Variants in AUTS2 observed in about 807,000 individuals in gnomAD.
The protein encoded by AUTS2 is autism susceptibility gene 2 protein.
Under a neutral mutation model 112.4 loss-of-function variants are expected in AUTS2, and 17 were observed. The observed-to-expected ratio is 0.15, with a 90% CI of 0.10 to 0.23. AUTS2 has a LOEUF of 0.23. Among genes scored for constraint, AUTS2 ranks in the 10% least tolerant of loss-of-function variants. AUTS2 has a pLI of 1.00. For synonymous variants in AUTS2, 751 were observed against 702.7 expected, an observed-to-expected ratio of 1.07 and a Z score of -1.09; for missense variants, 1,510 against 1,701.6, an observed-to-expected ratio of 0.89 and a Z score of 1.98.
intron 6 of AUTS2, among the ~76,000 whole-genome samples, chr7:70,755,125 T>C (rs985710972): frequency 6.6e-6 from 1 of 152,188 alleles, no homozygotes; most frequent in African/African-American, 2.4e-5. Context: ...GAAGGTTTAA[T>C]ATGCACCATG....
At chr7:69,957,960 A>C (rs1197322853) in intron 2 of AUTS2, among the ~76,000 whole-genome samples, 1 of 152,196 alleles carries the variant, frequency 6.6e-6, no homozygotes, top group Non-Finnish European at 1.5e-5. Flanking sequence ...TGTAGCCTAC[A>C]CAAGTAAGTA....
chr7:70,747,800 CTTTATTTTAT>C (rs61458073), intron 6 of AUTS2, among the ~76,000 whole-genome samples: 35 of 146,188 alleles, frequency 2.4e-4, no homozygotes, highest in African/African-American at 6.7e-4. Context: ...GAGCTCATTT[CTTTATTTTAT>C]TTTATTTTAT....
At chr7:70,084,374 C>A (rs555171254) in intron 2 of AUTS2, among the ~76,000 whole-genome samples, 1 of 152,156 alleles carries the variant, frequency 6.6e-6, no homozygotes, top group African/African-American at 2.4e-5. Context: ...TGTAAGAGTA[C>A]AATGTACATT....
chr7:70,417,029 A>G (rs1322969229), intron 4 of AUTS2, among the ~76,000 whole-genome samples: 1 of 152,166 alleles, frequency 6.6e-6, no homozygotes, highest in Non-Finnish European at 1.5e-5. Flanking sequence ...CAGGGCCCCC[A>G]GTCTATCTTC....
At chr7:70,288,737 A>G (rs1368886243) in intron 4 of AUTS2, among the ~76,000 whole-genome samples, 3 of 152,176 alleles carry the variant, frequency 2.0e-5, no homozygotes, top group African/African-American at 4.8e-5. Flanking sequence ...TGGAAGAACA[A>G]TGAGATAGAG....
At chr7:70,354,386 A>G (rs1791898333) in intron 4 of AUTS2, among the ~76,000 whole-genome samples, 1 of 152,212 alleles carries the variant, frequency 6.6e-6, no homozygotes, top group Non-Finnish European at 1.5e-5. Context: ...TTTACTTGAG[A>G]TTGGTTTATA....
chr7:70,285,038 A>G (rs1788392869), intron 4 of AUTS2, among the ~76,000 whole-genome samples: 1 of 152,132 alleles, frequency 6.6e-6, no homozygotes, highest in Non-Finnish European at 1.5e-5. Context: ...TTATGGATAC[A>G]AATAACCGGA....
intron 1 of AUTS2, among the ~76,000 whole-genome samples, chr7:69,870,109 A>C (rs573706541): frequency 2.0e-5 from 3 of 152,176 alleles, no homozygotes; most frequent in Admixed American, 1.3e-4. Flanking sequence ...CCTTTAATAT[A>C]TGGGGCAAGA....
intron 4 of AUTS2, among the ~76,000 whole-genome samples, chr7:70,337,876 A>G (rs1258951446): frequency 6.6e-6 from 1 of 152,170 alleles, no homozygotes; most frequent in East Asian, 1.9e-4. Flanking sequence ...TGTTGTTGGA[A>G]GCTATGATTC....
intron 4 of AUTS2, among the ~76,000 whole-genome samples, chr7:70,301,713 A>G (rs898150928): frequency 1.4e-5 from 2 of 139,116 alleles, no homozygotes; most frequent in Non-Finnish European, 3.1e-5. Flanking sequence ...ATTTAAACAC[A>G]AACATACATT....
At chr7:70,480,667 T>G (rs1797756406) in intron 5 of AUTS2, among the ~76,000 whole-genome samples, 1 of 152,150 alleles carries the variant, frequency 6.6e-6, no homozygotes, top group South Asian at 2.1e-4. Flanking sequence ...CTGTGCTGGA[T>G]CCCATACCTT....
chr7:69,998,699 T>A (rs932641739), intron 2 of AUTS2, among the ~76,000 whole-genome samples: 3 of 152,180 alleles, frequency 2.0e-5, no homozygotes, highest in Non-Finnish European at 4.4e-5. Flanking sequence ...GAAGCTTTAT[T>A]TAATGGGGAA....
chr7:70,001,891 A>G (rs934905061), intron 2 of AUTS2, among the ~76,000 whole-genome samples: 1 of 151,892 alleles, frequency 6.6e-6, no homozygotes, highest in African/African-American at 2.4e-5. Flanking sequence ...TTGTATTTCA[A>G]GTACAGATGA....
At chr7:70,174,682 A>T (rs930694161) in intron 4 of AUTS2, among the ~76,000 whole-genome samples, 1 of 152,232 alleles carries the variant, frequency 6.6e-6, no homozygotes, top group Non-Finnish European at 1.5e-5. Context: ...CTTAAAAATT[A>T]TGCCAAATCT....
chr7:70,517,657 CCAG>C (rs1307328179), intron 5 of AUTS2, among the ~76,000 whole-genome samples: 1 of 149,344 alleles, frequency 6.7e-6, no homozygotes, highest in Non-Finnish European at 1.5e-5. Flanking sequence ...TATAATTTGC[CCAG>C]AAACAATTTG....
intron 4 of AUTS2, among the ~76,000 whole-genome samples, chr7:70,174,058 T>TG (rs1332708998): frequency 6.6e-6 from 1 of 152,212 alleles, no homozygotes; most frequent in Non-Finnish European, 1.5e-5. Context: ...AAAGCCAAGA[T>TG]GGGCTGAAAG....
intron 6 of AUTS2, among the ~76,000 whole-genome samples, chr7:70,745,813 T>G (rs1477599015): frequency 6.6e-6 from 1 of 152,250 alleles, no homozygotes; most frequent in Non-Finnish European, 1.5e-5. Context: ...TTCCAATTAT[T>G]TCACACTTGC....
chr7:69,635,613 T>G lies in AUTS2; in HGVS notation c.309+35651T>G, dbSNP rs59578244. On this transcript the variant is annotated intron_variant, in intron 1 of 18. Coordinates refer to ENST00000342771, the MANE Select transcript of AUTS2 (RefSeq NM_015570.4). ...GTCTCTCAGACACTTGGCACTGATT[T>G]GCTCATCTCAGAGCTGAAGTCTTAA... 3.4e-3 allele frequency among the ~76,000 whole-genome samples: 512 copies of G among 152,310 alleles called. 3 individuals are homozygous for G. Among genetic ancestry groups the G allele is most frequent in the African/African-American group, 0.012 (503 of 41,564 alleles).
At chr7:69,762,650 G>C (rs185829732) in intron 1 of AUTS2, among the ~76,000 whole-genome samples, 2 of 151,954 alleles carry the variant, frequency 1.3e-5, no homozygotes, top group East Asian at 3.9e-4. Flanking sequence ...TGGCTAATTC[G>C]TGTTGGTGAC....
Sources: allele counts gnomAD v4.1 joint callset (sites outside exome capture counted in the v4.1 genomes callset), GRCh38; gene constraint gnomAD v4.1.1; transcripts MANE v1.5; gene names NCBI Gene and HGNC (gene_info 2026-07-23, HGNC 2026-07-21).